Variants in GHITM observed in about 807,000 individuals in gnomAD.
GHITM encodes growth hormone-inducible transmembrane protein.
In GHITM, 24 loss-of-function variants were observed where a neutral mutation model predicts 38.7. The ratio of observed to expected loss-of-function variants is 0.62; its 90% CI spans 0.45 to 0.87. The LOEUF (loss-of-function observed/expected upper bound fraction) is 0.87. GHITM is among the 40% of genes least tolerant of loss of function. GHITM has a pLI of 0.00. For missense variants in GHITM, 420 were observed against 429.8 expected, an observed-to-expected ratio of 0.98 and a Z score of 0.20; for synonymous variants, 154 against 147.8, an observed-to-expected ratio of 1.04 and a Z score of -0.30.
intron 2 of GHITM, among the ~76,000 whole-genome samples, chr10:84,141,842 C>G (rs922687932): frequency 6.6e-6 from 1 of 152,146 alleles, no homozygotes; most frequent in Non-Finnish European, 1.5e-5. Flanking sequence ...TCTGTCTTCG[C>G]TTACAGCTTC....
At chr10:84,148,625 T>G (rs559575212) in intron 5 of GHITM, 105 bp from the exon 6 acceptor site, 9 of 718,136 alleles carry the variant, frequency 1.3e-5, no homozygotes, top group Non-Finnish European at 2.2e-5. Flanking sequence ...CTTTAATATT[T>G]TTACAACTAG....
chr10:84,141,742 A>T, intron 2 of GHITM, 113 bp downstream of exon 2: 1 of 915,248 alleles, frequency 1.1e-6, no homozygotes, highest in South Asian at 1.4e-5. Context: ...TAGCCCTGAT[A>T]ATATCCCCAA....
chr10:84,153,212 ACTGT>A lies in GHITM; in HGVS notation c.*867_*870del, dbSNP rs1841628276. ...TTTTTTATTTTTGCATATTTATTGA[ACTGT>A]CTAATTGAATACAGCTTGCTCTTGT... On this transcript the variant is annotated 3_prime_UTR_variant, in exon 9 of 9. Transcript: ENST00000372134. 1 of 152,194 alleles carries A rather than the reference ACTGT, an allele frequency of 6.6e-6. No individual in the cohort carries two copies. The highest frequency in any genetic ancestry group is 2.4e-5 in the African/African-American group (1 of 41,456). The allele number at this position is 152,194 out of a possible 1,614,324, so 9.4% of individuals were successfully genotyped here.
Position 84,148,792 on chromosome 10 carries a change from TGA to T in GHITM, c.547_548del (p.Asp183ProfsTer56). The T allele has an allele frequency of 6.2e-7, 1 of 1,613,364 alleles. No homozygotes were observed. ...GAATGCTGGTACGATCAATACCATA[TGA>T]CCAGAGCCCAGGCCCAAAGCATCTT... Reference protein sequence around the residue: ...AGMLVRSIPYDQSPGPKHLAW... With the variant: ...AGMLVRSIPYXQSPGPKHLAW... On this transcript the variant is annotated frameshift_variant, in exon 6 of 9. Coordinates refer to ENST00000372134, the MANE Select transcript of GHITM (RefSeq NM_014394.3). LOFTEE classifies it high-confidence loss of function.
intron 3 of GHITM, among the ~76,000 whole-genome samples, chr10:84,143,412 A>G (rs1841527167): frequency 6.6e-6 from 1 of 152,220 alleles, no homozygotes; most frequent in Non-Finnish European, 1.5e-5. Context: ...GCCTAGTAAT[A>G]TTCTTAGTAA....
chr10:84,150,348 T>A, intron 7 of GHITM, 105 bp downstream of exon 7: 2 of 939,040 alleles, frequency 2.1e-6, no homozygotes, highest in Non-Finnish European at 3.1e-6. Context: ...AAAGTTTTTT[T>A]AAAGATTTAT....
At chr10:84,141,729 A>G in intron 2 of GHITM, 100 bp downstream of exon 2, 1 of 1,106,008 alleles carries the variant, frequency 9.0e-7, no homozygotes. Flanking sequence ...GTTATACGTC[A>G]GTTAGCCCTG....
intron 8 of GHITM, among the ~76,000 whole-genome samples, chr10:84,151,792 T>C (rs1002286763): frequency 1.4e-4 from 22 of 152,170 alleles, no homozygotes; most frequent in African/African-American, 5.1e-4. Context: ...AATTTGATTT[T>C]ATCTAAAAAT....
In GHITM at chr10:84,141,661, T is replaced by G. The variant is rs746383080; in HGVS notation, c.129+32T>G. 3.1e-6 allele frequency: 5 copies of G among 1,608,578 alleles called. No individual in the cohort carries two copies. The South Asian group carries it at 4.4e-5, about 14-fold the overall frequency. Reference sequence around the variant, plus strand: ...ATAATCTGAATGTTTTTATATTGCTTCTTTTTCCATTTGTGCCCTTTCTTT... The same window carrying G: ...ATAATCTGAATGTTTTTATATTGCTGCTTTTTCCATTTGTGCCCTTTCTTT... On this transcript the variant is annotated intron_variant, in intron 2 of 8. Coordinates refer to ENST00000372134, the MANE Select transcript of GHITM (RefSeq NM_014394.3).
At chr10:84,149,981 G>A in intron 6 of GHITM, 74 bp from the exon 7 acceptor site, 3 of 1,152,626 alleles carry the variant, frequency 2.6e-6, no homozygotes, top group Non-Finnish European at 3.6e-6. Context: ...AATATAAAGT[G>A]GCATGTTAGA....
chr10:84,140,892 CTT>C (rs1841499726), intron 1 of GHITM, among the ~76,000 whole-genome samples: 1 of 152,116 alleles, frequency 6.6e-6, no homozygotes. Context: ...AATAGGTTAA[CTT>C]AGAATATTTT....
chr10:84,152,675 GTAAC>G lies in GHITM; in HGVS notation c.*331_*334del, dbSNP rs1415834016. 8 of 208,314 alleles carry G rather than the reference GTAAC, an allele frequency of 3.8e-5. No individual in the cohort carries two copies. Among genetic ancestry groups the G allele is most frequent in the East Asian group, 1.1e-4 (1 of 8,946 alleles). 12.9% of individuals were successfully genotyped at this position (208,314 alleles called of 1,614,324 possible). ...CTTTAAAATTTAGTAGGTTCACTGA[GTAAC>G]TAAAATTTAGCAAACCTGTGTTTGC... On this transcript the variant is annotated 3_prime_UTR_variant, in exon 9 of 9. Coordinates refer to ENST00000372134, the MANE Select transcript of GHITM (RefSeq NM_014394.3).
chr10:84,143,616 A>G (rs963927124), intron 3 of GHITM, among the ~76,000 whole-genome samples: 1 of 152,126 alleles, frequency 6.6e-6, no homozygotes, highest in South Asian at 2.1e-4. Flanking sequence ...GCAGTATGGT[A>G]TGACTGTTAA....
At chr10:84,143,524 C>T (rs1841528294) in intron 3 of GHITM, among the ~76,000 whole-genome samples, 1 of 152,218 alleles carries the variant, frequency 6.6e-6, no homozygotes, top group Non-Finnish European at 1.5e-5. Context: ...CCTCCTCTCA[C>T]TTGATTCTGC....
intron 8 of GHITM, among the ~76,000 whole-genome samples, chr10:84,151,640 G>A (rs1249801812): frequency 1.3e-5 from 2 of 152,110 alleles, no homozygotes; most frequent in Non-Finnish European, 2.9e-5. Context: ...AGTATAAAGA[G>A]TCTAGTTTCA....
chr10:84,144,077 T>A lies in GHITM; in HGVS notation c.312T>A (p.Ser104=). 6.2e-7 allele frequency: 1 copy of A among 1,612,798 alleles called. No homozygotes were observed. Among genetic ancestry groups the A allele is most frequent in the Non-Finnish European group, 8.5e-7 (1 of 1,178,728 alleles). The stretch of plus-strand genomic sequence containing the variant: ...TGTGCTACTATGGCTTGGGACTGTC[T>A]AATGAGATTGGAGCTATTGAAAAGG... ...GALCYYGLGL[S]NEIGAIEKAV... The change falls in exon 4 of 9, where the codon TCT becomes TCA. Residue 104 remains serine, a synonymous_variant. Coordinates refer to ENST00000372134, the MANE Select transcript of GHITM (RefSeq NM_014394.3).
intron 1 of GHITM, 130 bp from the exon 2 acceptor site, chr10:84,141,332 G>A (rs1041673040): frequency 7.1e-6 from 4 of 561,008 alleles, no homozygotes; most frequent in African/African-American, 1.9e-5. Context: ...TAAAAAGGTC[G>A]CTTTATTTCC....
At chr10:84,149,999 T>C in intron 6 of GHITM, 56 bp from the exon 7 acceptor site, 1 of 1,309,594 alleles carries the variant, frequency 7.6e-7, no homozygotes, top group South Asian at 1.8e-5. Context: ...AGAAGTGATA[T>C]TTTCCTTTTG....
chr10:84,139,653 C>T (rs1265557361), intron 1 of GHITM, 60 bp downstream of exon 1: 3 of 152,298 alleles, frequency 2.0e-5, no homozygotes, highest in Admixed American at 1.3e-4. Context: ...CAGCCGCCCT[C>T]ACGGGACCGC....
Sources: allele counts gnomAD v4.1 joint callset (sites outside exome capture counted in the v4.1 genomes callset), GRCh38; gene constraint gnomAD v4.1.1; transcripts MANE v1.5; gene names NCBI Gene and HGNC (gene_info 2026-07-23, HGNC 2026-07-21).